Variants in KCNH1 observed in about 807,000 individuals in gnomAD.
KCNH1 encodes voltage-gated delayed rectifier potassium channel KCNH1.
KCNH1 carries 27 observed loss-of-function variants against 69.2 expected under a neutral mutation model. That is an observed-to-expected ratio of 0.39 (90% CI 0.29 to 0.54). The LOEUF is 0.54. KCNH1 is among the 20% of genes least tolerant of loss of function. KCNH1 has a pLI of 0.68. For missense variants in KCNH1, 798 were observed against 1,261.6 expected, an observed-to-expected ratio of 0.63 and a Z score of 5.57; for synonymous variants, 456 against 487.7, an observed-to-expected ratio of 0.93 and a Z score of 0.86.
At position 210,797,500 on chromosome 1, in the gene KCNH1, A is replaced by G. The variant is rs769825507; in HGVS notation, c.1915+8T>C. On this transcript the variant is annotated splice_region_variant and intron_variant, in intron 9 of 10. Coordinates refer to ENST00000271751, the MANE Select transcript of KCNH1 (RefSeq NM_172362.3). The stretch of plus-strand genomic sequence containing the variant: ...TACCTTTGCCCATCCAGCAAAGCCA[A>G]CACCTACCTAGAATGGCCACCACCT... 6.2e-7 allele frequency: 1 copy of G among 1,613,422 alleles called. No homozygotes were observed. The highest frequency in any genetic ancestry group is 8.5e-7 in the Non-Finnish European group (1 of 1,179,432).
At chr1:210,953,719 C>T (rs573552315) in intron 6 of KCNH1, among the ~76,000 whole-genome samples, 20 of 152,222 alleles carry the variant, frequency 1.3e-4, no homozygotes, top group Middle Eastern at 6.8e-3. Context: ...CCAGTGCCTA[C>T]GAGTAAAATT....
intron 6 of KCNH1, among the ~76,000 whole-genome samples, chr1:210,966,047 T>C (rs560653871): frequency 2.0e-5 from 3 of 152,088 alleles, no homozygotes; most frequent in South Asian, 4.2e-4. Flanking sequence ...TACAGACCAA[T>C]GGAACAGAAT....
chr1:210,818,419 T>C (rs780718222), intron 7 of KCNH1, among the ~76,000 whole-genome samples: 10 of 152,200 alleles, frequency 6.6e-5, no homozygotes, highest in Non-Finnish European at 1.2e-4. Flanking sequence ...CTACCAAATC[T>C]ACTGCATCAT....
chr1:210,746,589 T>C (rs542979488), intron 10 of KCNH1, among the ~76,000 whole-genome samples: 5 of 151,316 alleles, frequency 3.3e-5, no homozygotes, highest in South Asian at 2.1e-4. Context: ...TTAAATAGAG[T>C]CTTGCTCTGT....
intron 1 of KCNH1, among the ~76,000 whole-genome samples, chr1:211,129,206 T>C (rs771539898): frequency 3.9e-5 from 6 of 152,158 alleles, no homozygotes; most frequent in Non-Finnish European, 7.4e-5. Context: ...CCTAAGTGTA[T>C]AAAGCAGATA....
chr1:210,953,019 C>T (rs1261764780), intron 6 of KCNH1, among the ~76,000 whole-genome samples: 1 of 152,142 alleles, frequency 6.6e-6, no homozygotes. Flanking sequence ...TTTTCATACT[C>T]AATTTCAAAA....
intron 6 of KCNH1, among the ~76,000 whole-genome samples, chr1:210,969,228 C>T (rs1041921399): frequency 6.6e-6 from 1 of 151,956 alleles, no homozygotes; most frequent in Admixed American, 6.6e-5. Flanking sequence ...TATAATTTTA[C>T]TTTTCTACAC....
chr1:211,123,412 A>G (rs1039661848), intron 1 of KCNH1, among the ~76,000 whole-genome samples: 2 of 152,224 alleles, frequency 1.3e-5, no homozygotes, highest in Non-Finnish European at 2.9e-5. Flanking sequence ...GAGCTCAGAT[A>G]CACAGGGGAG....
At chr1:210,944,895 C>T (rs115426245) in intron 6 of KCNH1, among the ~76,000 whole-genome samples, 2,737 of 152,326 alleles carry the variant, frequency 0.018, 62 homozygotes, top group South Asian at 0.093. Flanking sequence ...AAACTCTGCA[C>T]CCATTAAACA....
chr1:210,920,183 T>A, intron 6 of KCNH1, 114 bp from the exon 7 acceptor site: 1 of 854,226 alleles, frequency 1.2e-6, no homozygotes, highest in Non-Finnish European at 1.8e-6. Context: ...GAGATGCAAT[T>A]TTATGCAACC....
chr1:210,924,313 G>C (rs1687523486), intron 6 of KCNH1, among the ~76,000 whole-genome samples: 1 of 152,194 alleles, frequency 6.6e-6, no homozygotes, highest in Non-Finnish European at 1.5e-5. Flanking sequence ...TTTGCAGAAA[G>C]GGTCTTGAAT....
intron 10 of KCNH1, among the ~76,000 whole-genome samples, chr1:210,701,357 G>A (rs1312631704): frequency 6.6e-6 from 1 of 152,200 alleles, no homozygotes; most frequent in Non-Finnish European, 1.5e-5. Flanking sequence ...GCAGGTCTGA[G>A]CCACCATGCC....
chr1:210,819,725 G>A (rs1558482921), intron 7 of KCNH1, among the ~76,000 whole-genome samples: 1 of 152,118 alleles, frequency 6.6e-6, no homozygotes, highest in Non-Finnish European at 1.5e-5. Context: ...TGTTAATAGT[G>A]TTGTTGTTGA....
chr1:210,930,670 C>G (rs1409309275), intron 6 of KCNH1, among the ~76,000 whole-genome samples: 1 of 152,080 alleles, frequency 6.6e-6, no homozygotes, highest in Non-Finnish European at 1.5e-5. Context: ...GCAATAAAAA[C>G]AAAGATAAAT....
intron 6 of KCNH1, among the ~76,000 whole-genome samples, chr1:210,986,331 G>A (rs561551397): frequency 9.8e-5 from 15 of 152,318 alleles, no homozygotes; most frequent in Admixed American, 8.5e-4. Context: ...TCATTATGAT[G>A]TTAGCTGATT....
intron 7 of KCNH1, among the ~76,000 whole-genome samples, chr1:210,829,938 T>C (rs994974459): frequency 2.0e-5 from 3 of 152,300 alleles, no homozygotes; most frequent in South Asian, 2.1e-4. Flanking sequence ...AAATAACTAA[T>C]ACAACTTTTA....
chr1:210,852,458 G>A (rs1195703344), intron 7 of KCNH1, among the ~76,000 whole-genome samples: 2 of 152,190 alleles, frequency 1.3e-5, no homozygotes, highest in Non-Finnish European at 2.9e-5. Flanking sequence ...CTTTGACCAG[G>A]AGAGTAAATT....
intron 6 of KCNH1, among the ~76,000 whole-genome samples, chr1:211,017,830 T>C (rs1361620971): frequency 6.6e-6 from 1 of 152,182 alleles, no homozygotes; most frequent in Non-Finnish European, 1.5e-5. Flanking sequence ...AAAGAGTTGC[T>C]ATAGTTTGAA....
chr1:210,859,773 A>T, intron 7 of KCNH1: 2 of 1,017,920 alleles, frequency 2.0e-6, no homozygotes, highest in Admixed American at 3.4e-5. Flanking sequence ...AGAGACTGAG[A>T]ACACACATCC....
Sources: allele counts gnomAD v4.1 joint callset (sites outside exome capture counted in the v4.1 genomes callset), GRCh38; gene constraint gnomAD v4.1.1; transcripts MANE v1.5; gene names NCBI Gene and HGNC (gene_info 2026-07-23, HGNC 2026-07-21).